SIK3: variants seen among roughly 807,000 people sequenced by gnomAD.
SIK3 encodes serine/threonine-protein kinase SIK3.
SIK3 carries 28 observed loss-of-function variants against 144.2 expected under a neutral mutation model. The ratio of observed to expected loss-of-function variants is 0.19; its 90% CI spans 0.14 to 0.27. SIK3 has a LOEUF of 0.27. Ranked by LOEUF, SIK3 falls within the 10% of genes least tolerant of loss-of-function variation. The pLI, the probability that SIK3 is intolerant of heterozygous loss-of-function variation, is 1.00. For missense variants in SIK3, 1,319 were observed against 1,776.0 expected, an observed-to-expected ratio of 0.74 and a Z score of 4.62; for synonymous variants, 686 against 676.3, an observed-to-expected ratio of 1.01 and a Z score of -0.22.
Position 116,898,080 on chromosome 11 carries a change from C to T in SIK3, c.617-763G>A, listed in dbSNP as rs1484183087. On this transcript the variant is annotated intron_variant, in intron 4 of 24. Transcript: ENST00000445177. ...TGCTGGTGCGCTGCACCCACTAACT[C>T]GTCATCTAGCATTAGGTATATCTCC... 2.4e-4 allele frequency among the ~76,000 whole-genome samples: 37 copies of T among 152,090 alleles called. No homozygotes were observed. The South Asian group carries it at 3.3e-3, about 14-fold the overall frequency.
Position 116,957,038 on chromosome 11 carries a change from G to C in SIK3, c.300C>G (p.Thr100=), listed in dbSNP as rs1591424601. The C allele has an allele frequency of 6.2e-7, 1 of 1,607,408 alleles. No homozygotes were observed. The highest frequency in any genetic ancestry group is 2.2e-5 in the East Asian group (1 of 44,636). The change falls in exon 2 of 25, where the codon ACC becomes ACG. Residue 100 remains threonine, a synonymous_variant. Coordinates refer to ENST00000445177, the MANE Select transcript of SIK3 (RefSeq NM_001366686.3). ...AKVAIKIIDK[T]QLDEENLKKI... ...TCTTCAAGTTTTCTTCATCCAGCTG[G>C]GTCTTATCTATGATCTTGATAGCAA...
chr11:116,875,444 T>C lies in SIK3; in HGVS notation c.1247A>G (p.Gln416Arg), dbSNP rs147293335. Residue 416 changes from glutamine (Q) to arginine (R), a missense_variant, in exon 10 of 25, where the codon CAG (glutamine) becomes CGG (arginine). By Grantham distance (43) the Gln-to-Arg change is conservative. Transcript: ENST00000445177. The stretch of plus-strand genomic sequence containing the variant: ...GCTGATGTTCATAGCAGTACCTGCC[T>C]GCTCCGCCTGGAAAGCAGTACATAC... ...FQAPVNIQAE[Q>R]AGTAMNISVP... 8.6e-5 allele frequency: 139 copies of C among 1,614,026 alleles called. No individual in the cohort carries two copies. The highest frequency in any genetic ancestry group is 1.1e-4 in the Non-Finnish European group (130 of 1,180,022).
At chr11:117,078,851 T>C (rs1954665708) in intron 1 of SIK3, among the ~76,000 whole-genome samples, 1 of 152,234 alleles carries the variant, frequency 6.6e-6, no homozygotes, top group South Asian at 2.1e-4. Flanking sequence ...CGATACCTTT[T>C]CTGCCACCTA....
chr11:117,091,702 C>T (rs908249787), intron 1 of SIK3, among the ~76,000 whole-genome samples: 6 of 152,192 alleles, frequency 3.9e-5, no homozygotes, highest in Admixed American at 1.3e-4. Context: ...TAAAACTGAA[C>T]TCCTCCCTTG....
intron 1 of SIK3, among the ~76,000 whole-genome samples, chr11:117,065,092 C>T (rs1245330780): frequency 6.6e-6 from 1 of 151,630 alleles, no homozygotes; most frequent in Non-Finnish European, 1.5e-5. Context: ...GAGGTTGCAG[C>T]GAGCTGAGAT....
At chr11:117,020,246 T>TATATATATAC in intron 1 of SIK3, among the ~76,000 whole-genome samples, 3 of 127,296 alleles carry the variant, frequency 2.4e-5, no homozygotes, top group African/African-American at 1.0e-4. Context: ...CATATATATA[T>TATATATATAC]ACACATACAT....
intron 1 of SIK3, among the ~76,000 whole-genome samples, chr11:117,040,948 CTT>C (rs369066520): frequency 7.7e-5 from 9 of 116,778 alleles, no homozygotes; most frequent in East Asian, 2.5e-4. Context: ...TACCTGCCTC[CTT>C]TTTTTTTTTT....
intron 1 of SIK3, among the ~76,000 whole-genome samples, chr11:117,057,646 G>GTTTAAA (rs2135941044): frequency 6.6e-6 from 1 of 152,288 alleles, no homozygotes; most frequent in East Asian, 1.9e-4. Flanking sequence ...ACATTACACA[G>GTTTAAA]TTATACTCAC....
At chr11:116,961,208 G>C (rs1949337795) in intron 1 of SIK3, among the ~76,000 whole-genome samples, 1 of 152,184 alleles carries the variant, frequency 6.6e-6, no homozygotes, top group South Asian at 2.1e-4. Context: ...CTACCTACTA[G>C]CTAACACCTG....
At chr11:116,879,209 T>G (rs1311567571) in intron 6 of SIK3, among the ~76,000 whole-genome samples, 1 of 152,166 alleles carries the variant, frequency 6.6e-6, no homozygotes, top group Non-Finnish European at 1.5e-5. Context: ...TTCTATAGGT[T>G]TTTAAATTTT....
intron 1 of SIK3, among the ~76,000 whole-genome samples, chr11:117,048,060 T>C (rs2135892729): frequency 6.6e-6 from 1 of 152,308 alleles, no homozygotes. Context: ...TAAGGTCTTA[T>C]TCAGACATGG....
At chr11:116,990,609 T>C (rs907532264) in intron 1 of SIK3, among the ~76,000 whole-genome samples, 1 of 152,178 alleles carries the variant, frequency 6.6e-6, no homozygotes, top group African/African-American at 2.4e-5. Context: ...CAGACACAAG[T>C]ATCTCCAACC....
intron 3 of SIK3, among the ~76,000 whole-genome samples, chr11:116,932,138 T>C (rs1181990550): frequency 6.6e-6 from 1 of 152,188 alleles, no homozygotes; most frequent in Non-Finnish European, 1.5e-5. Flanking sequence ...CAACTATTTC[T>C]CACCCCTGCC....
intron 21 of SIK3, among the ~76,000 whole-genome samples, chr11:116,850,549 TGTCTCTGA>T (rs1180781999): frequency 6.6e-6 from 1 of 152,254 alleles, no homozygotes; most frequent in Non-Finnish European, 1.5e-5. Context: ...CAAAAGACTT[TGTCTCTGA>T]TTGCTCTAAC....
At position 116,846,622 on chromosome 11, in the gene SIK3, G is replaced by A; in HGVS notation, c.3953-69C>T. On this transcript the variant is annotated intron_variant, in intron 23 of 24. Coordinates refer to ENST00000445177, the MANE Select transcript of SIK3 (RefSeq NM_001366686.3). This position sits in a 1 kb window ranked among gnomAD's most constrained non-coding sequence, Gnocchi z 4.1. ...GGACTAGGAGAGCAAGGGGGAGAGAGAGGAGGAATTGAAGGCAACCTGTCG... is the reference window on the plus strand; with the variant it reads ...GGACTAGGAGAGCAAGGGGGAGAGAAAGGAGGAATTGAAGGCAACCTGTCG... The A allele has an allele frequency of 6.3e-7, 1 of 1,582,240 alleles. No individual in the cohort carries two copies. The highest frequency in any genetic ancestry group is 8.6e-7 in the Non-Finnish European group (1 of 1,157,234).
At chr11:117,081,529 C>T (rs1954786013) in intron 1 of SIK3, among the ~76,000 whole-genome samples, 1 of 152,178 alleles carries the variant, frequency 6.6e-6, no homozygotes, top group Admixed American at 6.5e-5. Context: ...GAGGCTGAGG[C>T]AGGAGAATGG....
At chr11:117,070,852 G>T (rs955232351) in intron 1 of SIK3, among the ~76,000 whole-genome samples, 12 of 147,138 alleles carry the variant, frequency 8.2e-5, no homozygotes, top group African/African-American at 3.1e-4. Flanking sequence ...TCCCGGGTTC[G>T]AGCAATTCTC....
chr11:117,089,362 G>A (rs7112542), intron 1 of SIK3, among the ~76,000 whole-genome samples: 8,552 of 149,998 alleles, frequency 0.057, 523 homozygotes, highest in African/African-American at 0.15. Flanking sequence ...AGCCAAGATC[G>A]CGCCACTGCA....
intron 1 of SIK3, among the ~76,000 whole-genome samples, chr11:117,055,890 G>A (rs560174637): frequency 5.9e-5 from 9 of 152,296 alleles, no homozygotes; most frequent in African/African-American, 2.2e-4. Context: ...TCAAGGCATC[G>A]TCTAAGAAGC....
Sources: allele counts gnomAD v4.1 joint callset (sites outside exome capture counted in the v4.1 genomes callset), GRCh38; gene constraint gnomAD v4.1.1; non-coding constraint Gnocchi (gnomAD v3.1); transcripts MANE v1.5; gene names NCBI Gene and HGNC (gene_info 2026-07-23, HGNC 2026-07-21).